AGPS: variants seen among roughly 807,000 people sequenced by gnomAD.
AGPS encodes the protein alkyldihydroxyacetonephosphate synthase, peroxisomal.
A neutral mutation model predicts 90.7 loss-of-function variants in AGPS; 26 were observed. The ratio of observed to expected loss-of-function variants is 0.29; its 90% CI spans 0.21 to 0.40. The LOEUF is 0.40. Among genes scored for constraint, AGPS ranks in the 10% least tolerant of loss-of-function variants. The pLI is 1.00. For missense variants in AGPS, 540 were observed against 816.1 expected, an observed-to-expected ratio of 0.66 and a Z score of 4.12; for synonymous variants, 294 against 285.3, an observed-to-expected ratio of 1.03 and a Z score of -0.31.
intron 7 of AGPS, among the ~76,000 whole-genome samples, chr2:177,444,369 C>G (rs1010697852): frequency 3.6e-5 from 5 of 140,434 alleles, no homozygotes; most frequent in Non-Finnish European, 7.5e-5. Context: ...TGCAGTGAGC[C>G]AAGATCATGC....
At chr2:177,406,142 A>G (rs1239340797) in intron 1 of AGPS, among the ~76,000 whole-genome samples, 1 of 152,138 alleles carries the variant, frequency 6.6e-6, no homozygotes, top group Non-Finnish European at 1.5e-5. Context: ...GACTCTCAAG[A>G]CACTTTGCTT....
chr2:177,501,628 G>T (rs1688563004), intron 14 of AGPS, among the ~76,000 whole-genome samples: 1 of 152,000 alleles, frequency 6.6e-6, no homozygotes. Flanking sequence ...TTAGGTATTT[G>T]TCAATACATT....
At chr2:177,537,999 C>G in intron 19 of AGPS, 75 bp from the exon 20 acceptor site, 1 of 1,549,996 alleles carries the variant, frequency 6.5e-7, no homozygotes, top group African/African-American at 1.4e-5. Flanking sequence ...AGTGTTTGTT[C>G]ACTCATGGTC....
intron 17 of AGPS, 133 bp downstream of exon 17, chr2:177,514,041 C>A: frequency 1.5e-6 from 1 of 688,348 alleles, no homozygotes; most frequent in Non-Finnish European, 2.6e-6. Flanking sequence ...CTAACCTTCA[C>A]TTACCACCTT....
At chr2:177,513,620 A>G (rs181157845) in intron 16 of AGPS, among the ~76,000 whole-genome samples, 199 bp from the exon 17 acceptor site, 7 of 152,294 alleles carry the variant, frequency 4.6e-5, no homozygotes, top group Non-Finnish European at 1.0e-4. Flanking sequence ...AAAAAGAAAA[A>G]ACTTTCTTCT....
Position 177,538,322 on chromosome 2 carries a change from T to A in AGPS, c.*127T>A. On this transcript the variant is annotated 3_prime_UTR_variant, in exon 20 of 20. Coordinates refer to ENST00000264167, the MANE Select transcript of AGPS (RefSeq NM_003659.4). Reference sequence around the variant, plus strand: ...TTTGTTTCTTTGGTTTAAAATAAGTTTGTTTTCATTCTGTAGTTTGTTTTG... The same window carrying A: ...TTTGTTTCTTTGGTTTAAAATAAGTATGTTTTCATTCTGTAGTTTGTTTTG... 9.5e-6 allele frequency: 10 copies of A among 1,053,934 alleles called. No homozygotes were observed. Among genetic ancestry groups the A allele is most frequent in the African/African-American group, 3.2e-5 (2 of 62,088 alleles). The allele number at this position is 1,053,934 out of a possible 1,614,324, so 65.3% of individuals were successfully genotyped here.
intron 19 of AGPS, 98 bp from the exon 20 acceptor site, chr2:177,537,976 G>A (rs967379332): frequency 6.8e-7 from 1 of 1,477,434 alleles, no homozygotes; most frequent in East Asian, 2.3e-5. Context: ...TTGAATAAAA[G>A]CATTTATCAC....
intron 9 of AGPS, among the ~76,000 whole-genome samples, chr2:177,463,843 C>T (rs1446286228): frequency 6.6e-6 from 1 of 152,098 alleles, no homozygotes; most frequent in Non-Finnish European, 1.5e-5. Flanking sequence ...TTATTTTAAT[C>T]ATTTTTTGGA....
At chr2:177,406,190 G>C (rs929305454) in intron 1 of AGPS, among the ~76,000 whole-genome samples, 1 of 152,130 alleles carries the variant, frequency 6.6e-6, no homozygotes, top group African/African-American at 2.4e-5. Context: ...AATCTTAATT[G>C]TCTCACTTCT....
chr2:177,517,794 T>A (rs1225027118), intron 17 of AGPS, among the ~76,000 whole-genome samples: 8 of 152,252 alleles, frequency 5.3e-5, no homozygotes, highest in Non-Finnish European at 1.0e-4. Context: ...TAGTGTTGTT[T>A]CAATATGATT....
At chr2:177,393,087 A>G (rs750301385) in intron 1 of AGPS, 38 bp downstream of exon 1, 10 of 1,550,108 alleles carry the variant, frequency 6.5e-6, no homozygotes, top group Non-Finnish European at 8.7e-6. Context: ...GCGTCGAGGG[A>G]CCAGGCCGGG....
chr2:177,502,971 C>T (rs1030374982), intron 14 of AGPS, among the ~76,000 whole-genome samples: 1 of 152,132 alleles, frequency 6.6e-6, no homozygotes, highest in Non-Finnish European at 1.5e-5. Context: ...GCTAGTTTAG[C>T]TCATGTATTT....
At chr2:177,533,399 C>T (rs1352172534) in intron 19 of AGPS, among the ~76,000 whole-genome samples, 1 of 152,070 alleles carries the variant, frequency 6.6e-6, no homozygotes, top group African/African-American at 2.4e-5. Context: ...ATCCCCCCAC[C>T]CCTGTGTGAC....
intron 2 of AGPS, among the ~76,000 whole-genome samples, chr2:177,427,753 C>T (rs1251853731): frequency 2.6e-5 from 4 of 151,978 alleles, no homozygotes; most frequent in East Asian, 1.9e-4. Context: ...ATTCCGATTA[C>T]GTGATCAATT....
At chr2:177,450,129 G>A (rs368514120) in intron 8 of AGPS, among the ~76,000 whole-genome samples, 22 of 152,160 alleles carry the variant, frequency 1.4e-4, no homozygotes, top group Middle Eastern at 3.4e-3. Flanking sequence ...CAGCCACCAC[G>A]CCCAGCCTAT....
intron 10 of AGPS, among the ~76,000 whole-genome samples, chr2:177,480,438 G>A (rs1267723404): frequency 1.3e-5 from 2 of 152,180 alleles, no homozygotes; most frequent in Non-Finnish European, 2.9e-5. Flanking sequence ...GGACATGGAT[G>A]AAGCTAGAAA....
At chr2:177,477,930 C>A (rs1687830058) in intron 10 of AGPS, among the ~76,000 whole-genome samples, 1 of 152,102 alleles carries the variant, frequency 6.6e-6, no homozygotes, top group Non-Finnish European at 1.5e-5. Context: ...TTAATACTAT[C>A]TTTGGTATTA....
intron 18 of AGPS, among the ~76,000 whole-genome samples, chr2:177,522,757 G>C (rs1197089369): frequency 6.6e-6 from 1 of 152,074 alleles, no homozygotes; most frequent in East Asian, 1.9e-4. Context: ...CACAGCCGAG[G>C]GTTCTTATAG....
intron 17 of AGPS, among the ~76,000 whole-genome samples, chr2:177,519,410 A>T (rs1689117014): frequency 6.6e-6 from 1 of 152,196 alleles, no homozygotes. Flanking sequence ...TAAGCTGCAT[A>T]AGCTAATTGA....
Sources: gnomAD v4.1 joint callset for allele counts (sites outside exome capture counted in the v4.1 genomes callset) on GRCh38, gnomAD v4.1.1 for gene constraint, MANE v1.5 for transcripts, NCBI Gene and HGNC (gene_info 2026-07-23, HGNC 2026-07-21) for gene names.